PAFAH1B1: variants seen among roughly 807,000 people sequenced by gnomAD.
PAFAH1B1 encodes platelet-activating factor acetylhydrolase IB subunit beta.
PAFAH1B1 carries 2 observed loss-of-function variants against 57.5 expected under a neutral mutation model. That is an observed-to-expected ratio of 0.03 (90% CI 0.01 to 0.11). The LOEUF (loss-of-function observed/expected upper bound fraction) is 0.11. PAFAH1B1 is among the 10% of genes least tolerant of loss of function. The pLI is 1.00. For missense variants in PAFAH1B1, 257 were observed against 512.0 expected, an observed-to-expected ratio of 0.50 and a Z score of 4.81; for synonymous variants, 152 against 169.6, an observed-to-expected ratio of 0.90 and a Z score of 0.81.
chr17:2,651,296 G>C (rs1307230559), intron 2 of PAFAH1B1, among the ~76,000 whole-genome samples: 1 of 151,706 alleles, frequency 6.6e-6, no homozygotes, highest in Admixed American at 6.6e-5. Flanking sequence ...ATACATTTTG[G>C]CCGGGTGCGG....
chr17:2,612,692 C>G (rs1475848642), intron 1 of PAFAH1B1, among the ~76,000 whole-genome samples: 1 of 152,088 alleles, frequency 6.6e-6, no homozygotes, highest in Non-Finnish European at 1.5e-5. Context: ...TCTCTGTAGC[C>G]TTGACTTCCT....
At position 2,644,265 on chromosome 17, in the gene PAFAH1B1, G is replaced by C. The variant is rs549496813; in HGVS notation, c.32+5945G>C. On this transcript the variant is annotated intron_variant, in intron 2 of 10. Coordinates refer to ENST00000397195, the MANE Select transcript of PAFAH1B1 (RefSeq NM_000430.4). ...TTCTTTTTAAAACAGTTGTAGGCTGGGCACAGTGACTCATGCCTGTAATCC... is the reference window on the plus strand; with the variant it reads ...TTCTTTTTAAAACAGTTGTAGGCTGCGCACAGTGACTCATGCCTGTAATCC... 1.4e-4 allele frequency among the ~76,000 whole-genome samples: 22 copies of C among 152,040 alleles called. No homozygotes were observed. The East Asian group carries it at 4.2e-3, about 29-fold the overall frequency.
intron 9 of PAFAH1B1, among the ~76,000 whole-genome samples, chr17:2,677,428 T>C (rs147237904): frequency 7.2e-5 from 11 of 152,358 alleles, no homozygotes; most frequent in Non-Finnish European, 1.3e-4. Context: ...GATGTTTGTT[T>C]AGTAGTAGTT....
At chr17:2,665,170 ATAT>A (rs1446025985) in intron 2 of PAFAH1B1, among the ~76,000 whole-genome samples, 199 bp from the exon 3 acceptor site, 4 of 152,128 alleles carry the variant, frequency 2.6e-5, no homozygotes, top group Admixed American at 6.5e-5. Flanking sequence ...TAAGAATATA[ATAT>A]TATGGATGTA....
rs1031943319 is a variant in PAFAH1B1, at chr17:2,599,954, A to G, written c.-191+5948A>G. ...TGTTTATTAAAATTTTACAGTGCAG[A>G]TTAATCCATTTTTAACCTTTTTTTT... On this transcript the variant is annotated intron_variant, in intron 1 of 10. Coordinates refer to ENST00000397195, the MANE Select transcript of PAFAH1B1 (RefSeq NM_000430.4). Among the ~76,000 whole-genome samples, 8 of 143,826 alleles carry G rather than the reference A, an allele frequency of 5.6e-5. No individual in the cohort carries two copies. The East Asian group carries it at 1.7e-3, about 30-fold the overall frequency. 94.4% of individuals were successfully genotyped at this position (143,826 alleles called of 152,430 possible).
At chr17:2,640,158 G>A (rs976931301) in intron 2 of PAFAH1B1, 6 of 152,102 alleles carry the variant, frequency 3.9e-5, no homozygotes, top group Non-Finnish European at 8.8e-5. Context: ...ATAAACTTAA[G>A]TAGTTCCCCA....
chr17:2,633,965 T>C lies in PAFAH1B1; in HGVS notation c.-190-4134T>C, dbSNP rs1446539814. 3.9e-5 allele frequency among the ~76,000 whole-genome samples: 3 copies of C among 76,554 alleles called. No homozygotes were observed. The East Asian group carries it at 7.6e-4, about 19-fold the overall frequency. 50.2% of individuals were successfully genotyped at this position (76,554 alleles called of 152,430 possible). On this transcript the variant is annotated intron_variant, in intron 1 of 10. Coordinates refer to ENST00000397195, the MANE Select transcript of PAFAH1B1 (RefSeq NM_000430.4). ...TCTAAATAAAAAGTACCAAACCTTT[T>C]TTTTTTTTTTTTTTTTTTAATAGGT...
intron 2 of PAFAH1B1, among the ~76,000 whole-genome samples, chr17:2,650,042 G>T (rs2068827608): frequency 6.6e-6 from 1 of 152,134 alleles, no homozygotes; most frequent in Non-Finnish European, 1.5e-5. Flanking sequence ...ACAAAAGGAA[G>T]ACTGGTAAGT....
intron 2 of PAFAH1B1, among the ~76,000 whole-genome samples, chr17:2,643,599 G>T (rs935025071): frequency 5.3e-5 from 8 of 150,734 alleles, no homozygotes; most frequent in African/African-American, 9.8e-5. Context: ...TTTCTCTGTT[G>T]CCCAGACTGG....
chr17:2,616,519 TC>T (rs1161617226), intron 1 of PAFAH1B1, among the ~76,000 whole-genome samples: 2 of 152,182 alleles, frequency 1.3e-5, no homozygotes, highest in East Asian at 3.9e-4. Flanking sequence ...ACTTGGGAAA[TC>T]AGTCTTTTCT....
At chr17:2,649,528 G>A (rs1299288504) in intron 2 of PAFAH1B1, among the ~76,000 whole-genome samples, 1 of 142,662 alleles carries the variant, frequency 7.0e-6, no homozygotes, top group Non-Finnish European at 1.6e-5. Flanking sequence ...GTGAGCGGAT[G>A]TCGTGCCACT....
At chr17:2,603,878 C>T (rs937750610) in intron 1 of PAFAH1B1, among the ~76,000 whole-genome samples, 1 of 151,616 alleles carries the variant, frequency 6.6e-6, no homozygotes, top group African/African-American at 2.4e-5. Flanking sequence ...GCTGGGATTA[C>T]AGGCATGCGC....
rs542405622 is a variant in PAFAH1B1, at chr17:2,648,535, G to A, written c.32+10215G>A. Among the ~76,000 whole-genome samples the A allele has an allele frequency of 3.4e-3, 510 of 151,966 alleles. 2 individuals are homozygous for A. The highest frequency in any genetic ancestry group is 7.8e-3 in the African/African-American group (325 of 41,450). ...CTACTAAAAATACAAAAAAATAGCC[G>A]GGTGTGGTGGCACACACCTGTAGCC... On this transcript the variant is annotated intron_variant, in intron 2 of 10. Coordinates refer to ENST00000397195, the MANE Select transcript of PAFAH1B1 (RefSeq NM_000430.4).
chr17:2,621,475 A>G (rs1042049878), intron 1 of PAFAH1B1, among the ~76,000 whole-genome samples: 2 of 152,224 alleles, frequency 1.3e-5, no homozygotes, highest in African/African-American at 4.8e-5. Flanking sequence ...CTTGAAAGCA[A>G]CTGGCCTGAA....
Position 2,683,422 on chromosome 17 carries a change from T to C in PAFAH1B1, c.*1620T>C, listed in dbSNP as rs1009219636. 3 of 152,240 alleles carry C rather than the reference T, an allele frequency of 2.0e-5. No individual in the cohort carries two copies. The highest frequency in any genetic ancestry group is 6.5e-5 in the Admixed American group (1 of 15,282). 9.4% of individuals were successfully genotyped at this position (152,240 alleles called of 1,614,324 possible). A position where few individuals can be genotyped will look rare whatever the true frequency, so the allele number is the denominator to read the frequency against. On this transcript the variant is annotated 3_prime_UTR_variant, in exon 11 of 11. Transcript: ENST00000397195. The stretch of plus-strand genomic sequence containing the variant: ...TTTATTCATTTGTGTACTATGTGAT[T>C]TTTTAAATGTCCCCTTTAGTATTTA...
chr17:2,658,178 A>G lies in PAFAH1B1; in HGVS notation c.33-7194A>G, dbSNP rs1011317521. ...TTTTCTAAGTGTCAGTCAATAATATAGTAACTTTAAAACAACATAATTAGG... is the reference window on the plus strand; with the variant it reads ...TTTTCTAAGTGTCAGTCAATAATATGGTAACTTTAAAACAACATAATTAGG... On this transcript the variant is annotated intron_variant, in intron 2 of 10. Transcript: ENST00000397195. Among the ~76,000 whole-genome samples the G allele has an allele frequency of 3.3e-5, 5 of 152,370 alleles. No individual in the cohort carries two copies. The East Asian group carries it at 9.6e-4, about 29-fold the overall frequency.
At chr17:2,603,305 A>C (rs2068166700) in intron 1 of PAFAH1B1, among the ~76,000 whole-genome samples, 1 of 151,926 alleles carries the variant, frequency 6.6e-6, no homozygotes, top group Non-Finnish European at 1.5e-5. Flanking sequence ...CCGCGCCACC[A>C]TGCCTGGGTA....
Position 2,670,239 on chromosome 17 carries a change from A to T in PAFAH1B1, c.476A>T (p.Asp159Val). The T allele has an allele frequency of 6.2e-7, 1 of 1,614,162 alleles. No homozygotes were observed. Among genetic ancestry groups the T allele is most frequent in the East Asian group, 2.2e-5 (1 of 44,882 alleles). ...HTDSVQDISF[D>V]HSGKLLASCS... ...GACTCTGTACAGGACATTTCATTCG[A>T]CCACAGCGGCAAGCTTCTGGCTTCC... The change falls in exon 6 of 11, where the codon GAC (aspartate) becomes GTC (valine). Residue 159 changes from aspartate (D) to valine (V), a missense_variant. Transcript: ENST00000397195.
At chr17:2,637,762 ATTTTAC>A (rs2151634167) in intron 1 of PAFAH1B1, among the ~76,000 whole-genome samples, 1 of 152,248 alleles carries the variant, frequency 6.6e-6, no homozygotes, top group Non-Finnish European at 1.5e-5. Flanking sequence ...TAAATTTGAA[ATTTTAC>A]TTTTTGTCTC....
Sources: gnomAD v4.1 joint callset for allele counts (sites outside exome capture counted in the v4.1 genomes callset) on GRCh38, gnomAD v4.1.1 for gene constraint, MANE v1.5 for transcripts, NCBI Gene and HGNC (gene_info 2026-07-23, HGNC 2026-07-21) for gene names.